The following LSAMP variants were observed in gnomAD, a reference collection of about 807,000 sequenced individuals.
LSAMP encodes limbic system associated membrane protein.
Under a neutral mutation model 38.6 loss-of-function variants are expected in LSAMP, and 7 were observed. That is an observed-to-expected ratio of 0.18 (90% CI 0.10 to 0.34). LSAMP has a LOEUF of 0.34. Among genes scored for constraint, LSAMP ranks in the 10% least tolerant of loss-of-function variants. The pLI, the probability that LSAMP is intolerant of heterozygous loss-of-function variation, is 1.00. For synonymous variants in LSAMP, 154 were observed against 166.8 expected (o/e 0.92, Z 0.59); for missense variants, 313 against 420.0 (o/e 0.75, Z 2.23).
At chr3:116,233,891 C>T (rs1041123276) in intron 1 of LSAMP, among the ~76,000 whole-genome samples, 2 of 152,248 alleles carry the variant, frequency 1.3e-5, no homozygotes, top group African/African-American at 2.4e-5. Context: ...CTGATTCTCC[C>T]CTCCTCCTTC....
chr3:116,291,756 T>C (rs2047270496), intron 1 of LSAMP, among the ~76,000 whole-genome samples: 2 of 152,158 alleles, frequency 1.3e-5, no homozygotes, highest in Non-Finnish European at 2.9e-5. Flanking sequence ...GACTCTAAGG[T>C]ACTTGAAACA....
intron 2 of LSAMP, among the ~76,000 whole-genome samples, chr3:116,024,472 A>T (rs910375286): frequency 6.6e-6 from 1 of 152,182 alleles, no homozygotes; most frequent in African/African-American, 2.4e-5. Context: ...TCAATAAAAA[A>T]TATTAACCAT....
intron 3 of LSAMP, among the ~76,000 whole-genome samples, chr3:115,962,604 T>C (rs182155962): frequency 6.6e-6 from 1 of 152,278 alleles, no homozygotes; most frequent in African/African-American, 2.4e-5. Context: ...CAGGATAATA[T>C]ATGTGAAAGG....
At chr3:116,261,314 G>A (rs2046822464) in intron 1 of LSAMP, among the ~76,000 whole-genome samples, 2 of 152,142 alleles carry the variant, frequency 1.3e-5, no homozygotes, top group African/African-American at 4.8e-5. Context: ...AACCTAGAAG[G>A]GGGATGCCAG....
intron 1 of LSAMP, among the ~76,000 whole-genome samples, chr3:116,419,599 T>C (rs2107852616): frequency 6.6e-6 from 1 of 152,212 alleles, no homozygotes; most frequent in Non-Finnish European, 1.5e-5. Context: ...AAAAGACACT[T>C]ATTTGGGGTA....
intron 2 of LSAMP, among the ~76,000 whole-genome samples, chr3:116,040,630 C>T (rs1393471298): frequency 1.3e-5 from 2 of 152,206 alleles, no homozygotes; most frequent in South Asian, 2.1e-4. Context: ...GTGATAACAC[C>T]GTTTGGAATA....
At position 115,997,753 on chromosome 3, in the gene LSAMP, T is replaced by TATAC. The variant is rs1377845663; in HGVS notation, c.514+21761_514+21762insGTAT. On this transcript the variant is annotated intron_variant, in intron 3 of 6. Transcript: ENST00000490035. ...ATATATATATATATATATATATATA[T>TATAC]ACACACACATACATACACACACATA... is the stretch of plus-strand genomic sequence containing the variant. 5.7e-3 allele frequency among the ~76,000 whole-genome samples: 713 copies of TATAC among 124,476 alleles called. 1 individual carries two copies. Among genetic ancestry groups the TATAC allele is most frequent in the Non-Finnish European group, 7.6e-3 (465 of 61,220 alleles). 81.7% of individuals were successfully genotyped at this position (124,476 alleles called of 152,430 possible).
At chr3:116,095,454 T>C (rs1445657253) in intron 1 of LSAMP, among the ~76,000 whole-genome samples, 1 of 152,184 alleles carries the variant, frequency 6.6e-6, no homozygotes, top group Admixed American at 6.5e-5. Context: ...TGCATATCCA[T>C]GCAGATGGTA....
At chr3:116,422,134 C>T (rs2049136985) in intron 1 of LSAMP, among the ~76,000 whole-genome samples, 1 of 152,156 alleles carries the variant, frequency 6.6e-6, no homozygotes, top group Admixed American at 6.5e-5. Context: ...CTACAATATG[C>T]ATGAATCTCA....
chr3:116,191,902 G>A (rs1710763235), intron 1 of LSAMP, among the ~76,000 whole-genome samples: 1 of 151,856 alleles, frequency 6.6e-6, no homozygotes, highest in African/African-American at 2.4e-5. Flanking sequence ...TCATCACTTA[G>A]ATAAACATGA....
At chr3:116,307,812 C>T (rs2047503710) in intron 1 of LSAMP, among the ~76,000 whole-genome samples, 1 of 151,812 alleles carries the variant, frequency 6.6e-6, no homozygotes. Flanking sequence ...ATTGACTATA[C>T]AGCATTATAA....
At chr3:116,417,537 T>C (rs2049067990) in intron 1 of LSAMP, among the ~76,000 whole-genome samples, 3 of 152,192 alleles carry the variant, frequency 2.0e-5, no homozygotes, top group Admixed American at 2.0e-4. Flanking sequence ...AAAGAGTAGG[T>C]TTCTTCCTTT....
At chr3:116,309,014 T>C (rs2047521983) in intron 1 of LSAMP, among the ~76,000 whole-genome samples, 1 of 152,130 alleles carries the variant, frequency 6.6e-6, no homozygotes, top group Non-Finnish European at 1.5e-5. Context: ...TGCCTCATTC[T>C]ACAGCAAGGC....
chr3:115,843,843 C>T (rs570603464), intron 4 of LSAMP, among the ~76,000 whole-genome samples: 1 of 152,328 alleles, frequency 6.6e-6, no homozygotes, highest in East Asian at 1.9e-4. Flanking sequence ...TTTTAAATCA[C>T]TGTCAGAGTT....
chr3:116,305,186 C>A (rs2047466394), intron 1 of LSAMP, among the ~76,000 whole-genome samples: 1 of 152,072 alleles, frequency 6.6e-6, no homozygotes, highest in Non-Finnish European at 1.5e-5. Flanking sequence ...ATAGTTCCCT[C>A]ATAATATGTC....
intron 1 of LSAMP, among the ~76,000 whole-genome samples, chr3:116,426,968 A>T (rs2049204790): frequency 1.3e-5 from 2 of 152,034 alleles, no homozygotes; most frequent in Admixed American, 1.3e-4. Flanking sequence ...GTAGCATACA[A>T]CCTGAGACTG....
At chr3:116,113,410 A>T (rs1452792537) in intron 1 of LSAMP, among the ~76,000 whole-genome samples, 53 of 67,352 alleles carry the variant, frequency 7.9e-4, no homozygotes, top group African/African-American at 2.9e-3. Flanking sequence ...CTATATATAT[A>T]TATATATATA....
At position 116,094,978 on chromosome 3, in the gene LSAMP, A is replaced by T. The variant is rs1429280041; in HGVS notation, c.156-8422T>A. 6.6e-5 allele frequency among the ~76,000 whole-genome samples: 10 copies of T among 152,318 alleles called. No homozygotes were observed. In the East Asian group the frequency reaches 1.9e-3, roughly 29 times the overall value. ...TATATGCTTATATTCATAGTCTCTC[A>T]TTGTAAAGGATAGTAGATAAAAAGA... is the stretch of plus-strand genomic sequence containing the variant. On this transcript the variant is annotated intron_variant, in intron 1 of 6. Coordinates refer to ENST00000490035, the MANE Select transcript of LSAMP (RefSeq NM_002338.5).
intron 2 of LSAMP, among the ~76,000 whole-genome samples, chr3:116,026,204 A>T (rs144507006): frequency 4.6e-5 from 7 of 152,286 alleles, no homozygotes; most frequent in African/African-American, 1.7e-4. Context: ...CTTAAGTAAG[A>T]TCATGACACA....
Sources: gnomAD v4.1 joint callset for allele counts (sites outside exome capture counted in the v4.1 genomes callset) on GRCh38, gnomAD v4.1.1 for gene constraint, MANE v1.5 for transcripts, NCBI Gene and HGNC (gene_info 2026-07-23, HGNC 2026-07-21) for gene names.